The following DOCK4 variants were observed in gnomAD, a reference collection of about 807,000 sequenced individuals.
DOCK4 encodes the protein dedicator of cytokinesis 4.
Under a neutral mutation model 268.1 loss-of-function variants are expected in DOCK4, and 97 were observed. The ratio of observed to expected loss-of-function variants is 0.36; its 90% CI spans 0.31 to 0.43. DOCK4 has a LOEUF of 0.43. Ranked by LOEUF, DOCK4 falls within the 20% of genes least tolerant of loss-of-function variation. DOCK4 has a pLI of 1.00. For missense variants in DOCK4, 2,145 were observed against 2,455.7 expected (o/e 0.87, Z 2.67); for synonymous variants, 954 against 887.2 (o/e 1.08, Z -1.34).
intron 26 of DOCK4, 57 bp from the exon 27 acceptor site, chr7:111,822,513 T>G: frequency 7.3e-7 from 1 of 1,372,696 alleles, no homozygotes; most frequent in Non-Finnish European, 1.0e-6. Flanking sequence ...TCAACATACA[T>G]ACGCACATAC....
chr7:111,926,287 G>A lies in DOCK4; in HGVS notation c.1066+9253C>T, dbSNP rs115779052. Among the ~76,000 whole-genome samples the A allele has an allele frequency of 5.8e-3, 738 of 127,278 alleles. 31 individuals carry two copies. The highest frequency in any genetic ancestry group is 0.02 in the African/African-American group (668 of 32,592). The allele number at this position is 127,278 out of a possible 152,430, so 83.5% of individuals were successfully genotyped here. A position where few individuals can be genotyped will look rare whatever the true frequency, so the allele number is the denominator to read the frequency against. On this transcript the variant is annotated intron_variant, in intron 12 of 52. Transcript: ENST00000428084. ...CAATGAATAAATAAATAAATAAGCCGAGCATGGTGGCGCGCCGCCTGTAGT... is the reference window on the plus strand; with the variant it reads ...CAATGAATAAATAAATAAATAAGCCAAGCATGGTGGCGCGCCGCCTGTAGT...
intron 1 of DOCK4, among the ~76,000 whole-genome samples, chr7:112,073,591 C>T (rs1807798698): frequency 1.3e-5 from 2 of 151,930 alleles, no homozygotes; most frequent in South Asian, 2.1e-4. Flanking sequence ...GTATGAAATC[C>T]TGTAATTCAC....
intron 10 of DOCK4, among the ~76,000 whole-genome samples, chr7:111,942,990 C>A (rs960274515): frequency 4.6e-5 from 7 of 152,182 alleles, no homozygotes; most frequent in African/African-American, 1.7e-4. Context: ...ATTTCTAACA[C>A]CCTGAAAGAC....
At chr7:112,203,696 A>T (rs368141366) in intron 1 of DOCK4, among the ~76,000 whole-genome samples, 1 of 152,166 alleles carries the variant, frequency 6.6e-6, no homozygotes, top group Non-Finnish European at 1.5e-5. Context: ...TAAGAACTAC[A>T]TGAGAAAAAC....
At chr7:112,018,179 A>AAAAAAC in intron 1 of DOCK4, among the ~76,000 whole-genome samples, 2 of 72,630 alleles carry the variant, frequency 2.8e-5, no homozygotes, top group South Asian at 4.4e-4. Context: ...AAAAAAAAAA[A>AAAAAAC]ACACAGGCAA....
At chr7:111,746,897 G>A (rs891152899) in intron 43 of DOCK4, among the ~76,000 whole-genome samples, 5 of 147,320 alleles carry the variant, frequency 3.4e-5, no homozygotes, top group African/African-American at 1.3e-4. Flanking sequence ...CCAAAGTGCT[G>A]GGATTACAGG....
intron 12 of DOCK4, among the ~76,000 whole-genome samples, chr7:111,919,689 C>A (rs1586371464): frequency 6.6e-6 from 1 of 152,204 alleles, no homozygotes; most frequent in South Asian, 2.1e-4. Context: ...AATTCACAGA[C>A]ATCAAGAATG....
intron 5 of DOCK4, among the ~76,000 whole-genome samples, chr7:111,992,167 G>C (rs981294192): frequency 1.3e-5 from 2 of 152,060 alleles, no homozygotes. Context: ...TATTTAAAGA[G>C]CAACTAGCAC....
chr7:112,153,656 T>G (rs914135265), intron 1 of DOCK4, among the ~76,000 whole-genome samples: 1 of 152,194 alleles, frequency 6.6e-6, no homozygotes, highest in Non-Finnish European at 1.5e-5. Flanking sequence ...GTTAATTTGG[T>G]GGACCACTCT....
At chr7:112,056,514 G>A (rs1050032973) in intron 1 of DOCK4, among the ~76,000 whole-genome samples, 3 of 152,070 alleles carry the variant, frequency 2.0e-5, no homozygotes, top group Admixed American at 2.0e-4. Flanking sequence ...CAGGGTAATG[G>A]AACCATGACG....
At chr7:112,048,517 C>A (rs542034872) in intron 1 of DOCK4, among the ~76,000 whole-genome samples, 2 of 149,826 alleles carry the variant, frequency 1.3e-5, no homozygotes, top group South Asian at 4.2e-4. Flanking sequence ...AAGCCAAGAT[C>A]AAGCCATTGC....
At chr7:111,766,339 C>T (rs1418673325) in intron 38 of DOCK4, among the ~76,000 whole-genome samples, 2 of 151,998 alleles carry the variant, frequency 1.3e-5, no homozygotes, top group African/African-American at 4.8e-5. Context: ...CAATATTGTA[C>T]TCTTTTTTTT....
At chr7:112,186,860 A>T (rs1375080628) in intron 1 of DOCK4, among the ~76,000 whole-genome samples, 1 of 152,220 alleles carries the variant, frequency 6.6e-6, no homozygotes, top group African/African-American at 2.4e-5. Context: ...ACAAAATTTC[A>T]GGGACATATA....
At chr7:112,167,170 G>A (rs1817681605) in intron 1 of DOCK4, among the ~76,000 whole-genome samples, 1 of 152,126 alleles carries the variant, frequency 6.6e-6, no homozygotes, top group African/African-American at 2.4e-5. Context: ...CTATTCTTCG[G>A]GGAACAAAAC....
At position 111,902,216 on chromosome 7, in the gene DOCK4, A is replaced by G. The variant is rs368612530; in HGVS notation, c.1193-415T>C. ...TAGGAGAAATACCTAAATGTAGTAA[A>G]ATAATAGGACTGTAAAGGGTACAAT... On this transcript the variant is annotated intron_variant, in intron 13 of 52. Transcript: ENST00000428084. 7.9e-5 allele frequency among the ~76,000 whole-genome samples: 12 copies of G among 152,338 alleles called. No homozygotes were observed. In the East Asian group the frequency reaches 1.9e-3, roughly 24 times the overall value.
chr7:112,117,371 CTTTT>C (rs869287036), intron 1 of DOCK4, among the ~76,000 whole-genome samples: 1 of 71,828 alleles, frequency 1.4e-5, no homozygotes, highest in Admixed American at 1.5e-4. Flanking sequence ...TTCTTTCTTT[CTTTT>C]TCTTTTTTGA....
chr7:111,788,866 A>G, intron 31 of DOCK4, 119 bp from the exon 32 acceptor site: 1 of 859,090 alleles, frequency 1.2e-6, no homozygotes. Context: ...TGAAAGTGAC[A>G]TTATCAGCTA....
chr7:112,073,240 T>C lies in DOCK4; in HGVS notation c.38-69109A>G, dbSNP rs79891870. 6.1e-3 allele frequency among the ~76,000 whole-genome samples: 934 copies of C among 152,190 alleles called. 18 individuals carry two copies. The highest frequency in any genetic ancestry group is 0.033 in the Admixed American group (512 of 15,288). On this transcript the variant is annotated intron_variant, in intron 1 of 52. Coordinates refer to ENST00000428084, the MANE Select transcript of DOCK4 (RefSeq NM_001363540.2). ...TCTTCTGAGGAGCCAAGAATTGAGG[T>C]TGCTGCAGACCTGTATAGATTCCCT...
At position 111,744,733 on chromosome 7, in the gene DOCK4, A is replaced by G. The variant is rs1237557719; in HGVS notation, c.4677+1601T>C. 2.6e-5 allele frequency among the ~76,000 whole-genome samples: 4 copies of G among 152,356 alleles called. No homozygotes were observed. The East Asian group carries it at 7.7e-4, about 29-fold the overall frequency. The stretch of plus-strand genomic sequence containing the variant: ...ATAATCCTAAGTAATGGATGACCTC[A>G]ACTGCTCACTTCTAGTATCTACAAA... On this transcript the variant is annotated intron_variant, in intron 44 of 52. Transcript: ENST00000428084.
Sources: allele counts gnomAD v4.1 joint callset (sites outside exome capture counted in the v4.1 genomes callset), GRCh38; gene constraint gnomAD v4.1.1; transcripts MANE v1.5; gene names NCBI Gene and HGNC (gene_info 2026-07-23, HGNC 2026-07-21).